Variants in LSS observed in about 807,000 individuals in gnomAD.
LSS encodes 2,3-epoxysqualene-lanosterol cyclase.
Under a neutral mutation model 110.3 loss-of-function variants are expected in LSS, and 90 were observed. The ratio of observed to expected loss-of-function variants is 0.82; its 90% CI spans 0.69 to 0.97. LSS has a LOEUF of 0.97. Ranked by LOEUF, LSS falls within the 50% of genes least tolerant of loss-of-function variation. The probability of loss-of-function intolerance (pLI) is 0.00; values close to 1 mark genes in which losing one functional copy is unlikely to be tolerated. For missense variants in LSS, 927 were observed against 990.0 expected (o/e 0.94, Z 0.85); for synonymous variants, 433 against 400.0 (o/e 1.08, Z -0.98).
At chr21:46,211,947 G>A (rs1173706733) in intron 11 of LSS, among the ~76,000 whole-genome samples, 1 of 152,158 alleles carries the variant, frequency 6.6e-6, no homozygotes. Flanking sequence ...CTCAGGAACC[G>A]TCATAAGTTT....
intron 17 of LSS, among the ~76,000 whole-genome samples, chr21:46,199,558 A>G (rs2079953102): frequency 6.6e-6 from 1 of 152,248 alleles, no homozygotes; most frequent in Admixed American, 6.5e-5. Flanking sequence ...TAACATTGAT[A>G]GCAACTTTAT....
intron 17 of LSS, among the ~76,000 whole-genome samples, chr21:46,203,218 T>C (rs1448987588): frequency 6.6e-6 from 1 of 152,194 alleles, no homozygotes; most frequent in African/African-American, 2.4e-5. Context: ...TGAATAAATA[T>C]TTAACAAGAA....
intron 3 of LSS, chr21:46,225,474 T>A: frequency 2.2e-6 from 1 of 446,686 alleles, no homozygotes; most frequent in Non-Finnish European, 4.5e-6. Context: ...CCGGGGGAGT[T>A]TAGAGAAGAC....
chr21:46,202,388 C>A (rs536437564), intron 17 of LSS, among the ~76,000 whole-genome samples: 1 of 139,220 alleles, frequency 7.2e-6, no homozygotes, highest in Non-Finnish European at 1.5e-5. Context: ...AGCGAGACTC[C>A]GTCTCAAAAA....
chr21:46,201,940 A>AGCGCCCGCCACC (rs1555894634), intron 17 of LSS, among the ~76,000 whole-genome samples: 1 of 150,290 alleles, frequency 6.7e-6, no homozygotes, highest in Non-Finnish European at 1.5e-5. Context: ...TGGGACTACA[A>AGCGCCCGCCACC]GCGCCCGCCA....
chr21:46,228,647 C>T, intron 1 of LSS, 48 bp from the exon 2 acceptor site: 1 of 1,595,020 alleles, frequency 6.3e-7, no homozygotes, highest in South Asian at 1.1e-5. Flanking sequence ...CCAACGCCGG[C>T]CGCCGGCCCA....
In LSS at chr21:46,227,533, T is replaced by C. The variant is rs745556803; in HGVS notation, c.319+19A>G. Reference sequence around the variant, plus strand: ...ATCCAGGGTGGCCATACCATCAGGCTGGGGCAGCATACTCCTACCTGGCAG... The same window carrying C: ...ATCCAGGGTGGCCATACCATCAGGCCGGGGCAGCATACTCCTACCTGGCAG... On this transcript the variant is annotated intron_variant, in intron 3 of 21. Transcript: ENST00000397728. 1 of 1,613,732 alleles carries C rather than the reference T, an allele frequency of 6.2e-7. No homozygotes were observed. Among genetic ancestry groups the C allele is most frequent in the Admixed American group, 1.7e-5 (1 of 60,000 alleles).
chr21:46,202,540 T>C (rs1291484649), intron 17 of LSS, among the ~76,000 whole-genome samples: 3 of 152,082 alleles, frequency 2.0e-5, no homozygotes, highest in African/African-American at 7.2e-5. Context: ...TGTAACATAA[T>C]ACACAAATAC....
chr21:46,211,293 AT>A (rs976725553), intron 11 of LSS, among the ~76,000 whole-genome samples: 1 of 151,922 alleles, frequency 6.6e-6, no homozygotes, highest in Non-Finnish European at 1.5e-5. Flanking sequence ...CACCCAGCTA[AT>A]TTTTTTTGTA....
At chr21:46,226,116 A>G (rs1474621559) in intron 3 of LSS, among the ~76,000 whole-genome samples, 1 of 148,530 alleles carries the variant, frequency 6.7e-6, no homozygotes, top group Non-Finnish European at 1.5e-5. Flanking sequence ...AGCCTGGGGA[A>G]CAAGAGCGAA....
In LSS at chr21:46,219,490, C is replaced by G. The variant is rs1438603790; in HGVS notation, c.633G>C (p.Leu211=). The G allele has an allele frequency of 6.3e-7, 1 of 1,596,230 alleles. No individual in the cohort carries two copies. Among genetic ancestry groups the G allele is most frequent in the African/African-American group, 1.3e-5 (1 of 74,146 alleles). Residue 211 remains leucine, a synonymous_variant, in exon 6 of 22, where the codon CTG becomes CTC. Transcript: ENST00000397728. ...AGCAGACATACCACATCTCTGGGAA[C>G]AGGGTATTGAGGCCTTCCCAGCTGT... ...NVYSWEGLNT[L]FPEMWLFPDW...
rs1183192379 is a variant in LSS at position 46,208,244 on chromosome 21, C to A, written c.1317+7G>T. 1.9e-6 allele frequency: 3 copies of A among 1,551,900 alleles called. No homozygotes were observed. In the African/African-American group the frequency reaches 4.1e-5, roughly 21 times the overall value. ...ACGGGACAGGGATGGGGCTGGCTCC[C>A]GCATACCTTGCGCATCTGGCGGTAG... On this transcript the variant is annotated splice_region_variant and intron_variant, in intron 14 of 21. Coordinates refer to ENST00000397728, the MANE Select transcript of LSS (RefSeq NM_002340.6).
At chr21:46,201,016 G>A (rs1028219727) in intron 17 of LSS, among the ~76,000 whole-genome samples, 4 of 144,094 alleles carry the variant, frequency 2.8e-5, no homozygotes, top group Admixed American at 2.0e-4. Context: ...AAGCCCTGAG[G>A]GTAGAGCCTG....
chr21:46,207,853 T>C (rs1422811650), intron 14 of LSS, among the ~76,000 whole-genome samples: 2 of 152,114 alleles, frequency 1.3e-5, no homozygotes, highest in East Asian at 3.9e-4. Context: ...CCCACCCCCA[T>C]TGTAAACAGG....
chr21:46,224,300 C>T (rs933395853), intron 3 of LSS, among the ~76,000 whole-genome samples: 14 of 152,336 alleles, frequency 9.2e-5, no homozygotes, highest in Non-Finnish European at 1.9e-4. Context: ...CTTTACCCTG[C>T]CCCTTTTGCT....
rs751525286 is a variant in LSS, at chr21:46,227,703, CG to C, written c.181-14del. The C allele has an allele frequency of 1.3e-6, 2 of 1,538,498 alleles. No individual in the cohort carries two copies. Among genetic ancestry groups the C allele is most frequent in the Admixed American group, 2.1e-5 (1 of 46,830 alleles). ...TAAAGTAATTCTTCTGCAAAGAGATCGAAAAAAAAAAAAAGAGATAGCTGAC... is the reference window on the plus strand; with the variant it reads ...TAAAGTAATTCTTCTGCAAAGAGATCAAAAAAAAAAAAAGAGATAGCTGAC... On this transcript the variant is annotated splice_polypyrimidine_tract_variant and intron_variant, in intron 2 of 21. Transcript: ENST00000397728.
At chr21:46,206,049 C>T (rs1047258266) in intron 16 of LSS, 108 bp from the exon 17 acceptor site, 4 of 801,446 alleles carry the variant, frequency 5.0e-6, no homozygotes, top group Non-Finnish European at 8.1e-6. Flanking sequence ...AGCCCGGGCC[C>T]GGACGCTGCC....
intron 12 of LSS, among the ~76,000 whole-genome samples, chr21:46,210,142 C>T (rs1329611402): frequency 3.3e-5 from 5 of 149,936 alleles, no homozygotes; most frequent in African/African-American, 1.2e-4. Context: ...TCTCGGCTCG[C>T]TGCACCCTCC....
chr21:46,225,395 A>C, intron 3 of LSS: 3 of 453,618 alleles, frequency 6.6e-6, no homozygotes, highest in Non-Finnish European at 1.3e-5. Context: ...ACCGTGGTCT[A>C]GCGGTAGCGT....
Sources: allele counts gnomAD v4.1 joint callset (sites outside exome capture counted in the v4.1 genomes callset), GRCh38; gene constraint gnomAD v4.1.1; transcripts MANE v1.5; gene names NCBI Gene and HGNC (gene_info 2026-07-23, HGNC 2026-07-21).